The following LAMA1 variants were observed in gnomAD, a reference collection of about 807,000 sequenced individuals.
LAMA1 encodes the protein laminin subunit alpha 1.
LAMA1 carries 219 observed loss-of-function variants against 348.7 expected under a neutral mutation model. The ratio of observed to expected loss-of-function variants is 0.63; its 90% CI spans 0.56 to 0.70. LAMA1 has a LOEUF of 0.70. LAMA1 is among the 30% of genes least tolerant of loss of function. The pLI, the probability that LAMA1 is intolerant of heterozygous loss-of-function variation, is 0.00. For synonymous variants in LAMA1, 1,487 were observed against 1,491.0 expected (o/e 1.00, Z 0.06); for missense variants, 3,744 against 3,888.0 (o/e 0.96, Z 0.99).
At chr18:6,985,732 GCA>G in intron 37 of LAMA1, 89 bp from the exon 38 acceptor site, 1 of 787,248 alleles carries the variant, frequency 1.3e-6, no homozygotes, top group Non-Finnish European at 2.2e-6. Context: ...AGAAGTTAGT[GCA>G]TGGGACTCAC....
chr18:7,005,746 G>GAAA (rs371802504), intron 29 of LAMA1, among the ~76,000 whole-genome samples: 1 of 151,858 alleles, frequency 6.6e-6, no homozygotes, highest in African/African-American at 2.4e-5. Context: ...CCTCCATCTT[G>GAAA]AAAAAAATAA....
In LAMA1 at chr18:6,999,919, G is replaced by A. The variant is rs143389887; in HGVS notation, c.4461C>T (p.His1487=). ...ACAATCCACCCATGTACCTTTCACA[G>A]TGTTTTCCTTCATAGCCCAGGAGAC... The part of the protein sequence containing the change: ...DACLLGYEGK[H]CERCSSSYYG... The change falls in exon 31 of 63, where the codon CAC becomes CAT. Residue 1487 remains histidine, a synonymous_variant. Transcript: ENST00000389658. The A allele has an allele frequency of 2.0e-4, 321 of 1,614,006 alleles. No individual in the cohort carries two copies. In the African/African-American group the frequency reaches 3.7e-3, roughly 18 times the overall value.
chr18:7,110,188 G>A (rs1018879991), intron 1 of LAMA1, among the ~76,000 whole-genome samples: 8 of 143,788 alleles, frequency 5.6e-5, no homozygotes, highest in East Asian at 2.0e-4. Context: ...CCCCCCACCC[G>A]CTGCCAAAAA....
At chr18:7,104,307 T>G (rs1284136529) in intron 1 of LAMA1, among the ~76,000 whole-genome samples, 1 of 152,200 alleles carries the variant, frequency 6.6e-6, no homozygotes, top group East Asian at 1.9e-4. Flanking sequence ...TTCCATTGCT[T>G]GTCTGTATTG....
chr18:7,046,325 T>C lies in LAMA1; in HGVS notation c.811A>G (p.Ile271Val), dbSNP rs776143638. ...IKDISVGGMC[I>V]CYGHASSCPW... ...CAGCTACTAGCATGGCCATAGCAGA[T>C]ACACATGCCTCCAACAGAAATGTCC... The change falls in exon 6 of 63, where the codon ATC (isoleucine) becomes GTC (valine). Residue 271 changes from isoleucine (I) to valine (V), a missense_variant. By Grantham distance (29) the Ile-to-Val change is conservative (BLOSUM62 3). Transcript: ENST00000389658. 4.3e-6 allele frequency: 7 copies of C among 1,611,740 alleles called. No individual in the cohort carries two copies. In the South Asian group the frequency reaches 7.7e-5, roughly 18 times the overall value.
In LAMA1 at chr18:7,027,530, G is replaced by A. The variant is rs1168232688; in HGVS notation, c.2275-1424C>T. Reference sequence around the variant, plus strand: ...ATGGGGAATGAAAATAACTAGACATGAGAAACAACAACAACAACAAAAAAA... The same window carrying A: ...ATGGGGAATGAAAATAACTAGACATAAGAAACAACAACAACAACAAAAAAA... On this transcript the variant is annotated intron_variant, in intron 16 of 62. Transcript: ENST00000389658. Among the ~76,000 whole-genome samples the A allele has an allele frequency of 3.4e-5, 5 of 147,270 alleles. No homozygotes were observed. In the East Asian group the frequency reaches 5.8e-4, roughly 17 times the overall value.
chr18:7,049,463 C>G (rs2058054629), intron 4 of LAMA1, among the ~76,000 whole-genome samples: 1 of 152,096 alleles, frequency 6.6e-6, no homozygotes, highest in Non-Finnish European at 1.5e-5. Context: ...CCACGCCCAG[C>G]TAATTTTTGT....
Position 6,972,828 on chromosome 18 carries a change from T to C in LAMA1, c.6774+229A>G, listed in dbSNP as rs571369842. ...GCCTCAGCCCCCTGAGTAGCTGGGA[T>C]TACAGGCATGTGCCACCACACCCGG... is the stretch of plus-strand genomic sequence containing the variant. On this transcript the variant is annotated intron_variant, in intron 47 of 62. Transcript: ENST00000389658. Among the ~76,000 whole-genome samples the C allele has an allele frequency of 2.0e-5, 3 of 152,268 alleles. No homozygotes were observed. In the South Asian group the frequency reaches 6.2e-4, roughly 32 times the overall value.
chr18:7,033,885 C>T (rs928504000), intron 14 of LAMA1, among the ~76,000 whole-genome samples: 7 of 152,064 alleles, frequency 4.6e-5, no homozygotes, highest in African/African-American at 1.7e-4. Flanking sequence ...CAGGCATGCG[C>T]CACCATGCCT....
chr18:6,965,848 T>G, intron 49 of LAMA1: 1 of 425,168 alleles, frequency 2.4e-6, no homozygotes, highest in Non-Finnish European at 4.2e-6. Flanking sequence ...GAACAAGACA[T>G]ATTATTTGAG....
intron 6 of LAMA1, among the ~76,000 whole-genome samples, chr18:7,045,652 G>A (rs1379352274): frequency 2.0e-5 from 3 of 152,040 alleles, no homozygotes; most frequent in East Asian, 1.9e-4. Flanking sequence ...TCCACCTCCC[G>A]AGTTCAAGCC....
At chr18:6,977,243 T>C (rs1203439215) in intron 44 of LAMA1, among the ~76,000 whole-genome samples, 2 of 152,250 alleles carry the variant, frequency 1.3e-5, no homozygotes, top group African/African-American at 4.8e-5. Flanking sequence ...GACCTGGATT[T>C]GTGCAGCCTT....
In LAMA1 at chr18:7,117,796, C is replaced by G; in HGVS notation, c.-76G>C. The G allele has an allele frequency of 7.4e-7, 1 of 1,346,928 alleles. No homozygotes were observed. Among genetic ancestry groups the G allele is most frequent in the Non-Finnish European group, 1.0e-6 (1 of 981,824 alleles). The allele number at this position is 1,346,928 out of a possible 1,614,324, so 83.4% of individuals were successfully genotyped here. A position where few individuals can be genotyped will look rare whatever the true frequency, so the allele number is the denominator to read the frequency against. On this transcript the variant is annotated 5_prime_UTR_variant, in exon 1 of 63. Transcript: ENST00000389658. ...CTGGAACGCTCCACGGGACGCGAGT[C>G]CGCGCTGCCCTGGCCCCGCCGCTCC...
chr18:7,080,343 C>A lies in LAMA1; in HGVS notation c.176G>T (p.Arg59Leu). ...CCGGCACTGTGGGTTTCGGACGGGC[C>A]GACCTGGCACATGCTCCACAAGTTT... Reference protein sequence around the residue: ...FCKLVEHVPGRPVRNPQCRIC... With the variant: ...FCKLVEHVPGLPVRNPQCRIC... The change falls in exon 2 of 63, where the codon CGG becomes CTG. Residue 59 changes from arginine to leucine, a missense_variant. By Grantham distance (102) the Arg-to-Leu change is moderately radical (BLOSUM62 -2). Around this residue, in one of 3 missense-constraint regions of LAMA1, gnomAD observed 1,529 missense variants for 1,689.4 expected, o/e 0.91. Transcript: ENST00000389658. The A allele has an allele frequency of 1.2e-6, 2 of 1,614,244 alleles. No individual in the cohort carries two copies. The highest frequency in any genetic ancestry group is 1.7e-6 in the Non-Finnish European group (2 of 1,180,044).
At chr18:6,996,985 A>C (rs1486982648) in intron 33 of LAMA1, among the ~76,000 whole-genome samples, 1 of 152,166 alleles carries the variant, frequency 6.6e-6, no homozygotes, top group African/African-American at 2.4e-5. Context: ...TAGTGCAGTG[A>C]AGAATAATAC....
intron 56 of LAMA1, chr18:6,956,266 T>TC: frequency 2.9e-6 from 1 of 349,362 alleles, no homozygotes; most frequent in South Asian, 2.3e-5. Flanking sequence ...ATTGAATCTT[T>TC]TTTTTTTTTT....
chr18:7,045,473 T>G (rs1175628456), intron 6 of LAMA1, among the ~76,000 whole-genome samples: 1 of 151,696 alleles, frequency 6.6e-6, no homozygotes, highest in Non-Finnish European at 1.5e-5. Flanking sequence ...TGTCTCTAAA[T>G]AAATAAAAAT....
intron 1 of LAMA1, among the ~76,000 whole-genome samples, chr18:7,112,221 G>A (rs531365784): frequency 1.3e-5 from 2 of 152,276 alleles, no homozygotes; most frequent in South Asian, 4.1e-4. Flanking sequence ...TTCTGTCAAA[G>A]CCCTACTTGG....
chr18:7,030,487 G>GTGCA (rs2057963887), intron 16 of LAMA1, among the ~76,000 whole-genome samples: 1 of 151,704 alleles, frequency 6.6e-6, no homozygotes, highest in Admixed American at 6.6e-5. Context: ...CAGAATGTGG[G>GTGCA]GTGTAGTTCA....
Sources: gnomAD v4.1 joint callset for allele counts (sites outside exome capture counted in the v4.1 genomes callset) on GRCh38, gnomAD v4.1.1 for gene constraint, gnomAD v4.1.1 regional missense constraint, MANE v1.5 for transcripts, NCBI Gene and HGNC (gene_info 2026-07-23, HGNC 2026-07-21) for gene names.